PKN3: variants seen among roughly 807,000 people sequenced by gnomAD.
PKN3 encodes the protein protein kinase N3.
A neutral mutation model predicts 113.1 loss-of-function variants in PKN3; 91 were observed. That is an observed-to-expected ratio of 0.80 (90% CI 0.68 to 0.96). The LOEUF (loss-of-function observed/expected upper bound fraction) is 0.96. Among genes scored for constraint, PKN3 ranks in the 40% least tolerant of loss-of-function variants. PKN3 has a pLI of 0.00. For synonymous variants in PKN3, 467 were observed against 499.0 expected, an observed-to-expected ratio of 0.94 and a Z score of 0.85; for missense variants, 1,052 against 1,202.2, an observed-to-expected ratio of 0.88 and a Z score of 1.85.
intron 6 of PKN3, among the ~76,000 whole-genome samples, chr9:128,708,547 AAAAG>A (rs1044827037): frequency 6.6e-6 from 1 of 151,906 alleles, no homozygotes; most frequent in Non-Finnish European, 1.5e-5. Flanking sequence ...AAAAAAGAAA[AAAAG>A]AAAGTTTTCT....
In PKN3 at chr9:128,713,598, C is replaced by T. The variant is rs1355701001; in HGVS notation, c.1192C>T (p.Gln398Ter). 1.2e-6 allele frequency: 2 copies of T among 1,613,802 alleles called. No homozygotes were observed. Among genetic ancestry groups the T allele is most frequent in the East Asian group, 2.2e-5 (1 of 44,890 alleles). ...LEDFLDNACHQLSLSLVPQGL... is the reference protein window; with the variant it reads ...LEDFLDNACH Reference sequence around the variant, plus strand: ...GGACTTCCTGGACAATGCCTGTCACCAACTGTCCCTCAGCCTGGTACCGCA... The same window carrying T: ...GGACTTCCTGGACAATGCCTGTCACTAACTGTCCCTCAGCCTGGTACCGCA... Residue 398 changes from glutamine to a stop codon, truncating the protein, a stop_gained, in exon 9 of 22, where the codon CAA becomes TAA. Transcript: ENST00000291906. LOFTEE classifies it high-confidence loss of function.
At chr9:128,717,113 G>GTTTTTTTTTTTTTTTTTTTT (rs1554781180) in intron 16 of PKN3, among the ~76,000 whole-genome samples, 190 bp downstream of exon 16, 10 of 14,440 alleles carry the variant, frequency 6.9e-4, no homozygotes, top group South Asian at 2.3e-3. Flanking sequence ...TGTGCATTAG[G>GTTTTTTTTTTTTTTTTTTTT]TTTCTTTTTT....
intron 5 of PKN3, 71 bp downstream of exon 5, chr9:128,707,094 G>A: frequency 6.2e-7 from 1 of 1,602,174 alleles, no homozygotes; most frequent in South Asian, 1.1e-5. Flanking sequence ...GGGTGTGAAG[G>A]GAGGGTGGCC....
intron 11 of PKN3, 44 bp from the exon 12 acceptor site, chr9:128,714,518 T>TG (rs749404136): frequency 1.4e-5 from 13 of 951,768 alleles, no homozygotes; most frequent in Admixed American, 3.4e-5. Flanking sequence ...TGCCAGCTCT[T>TG]GCGTCTGCCT....
chr9:128,712,369 C>T (rs985099762), intron 6 of PKN3, among the ~76,000 whole-genome samples: 8 of 152,202 alleles, frequency 5.3e-5, no homozygotes, highest in African/African-American at 1.9e-4. Context: ...TTTCTCTACC[C>T]TTTGAGGGAC....
In PKN3 at chr9:128,702,583, T is replaced by A; in HGVS notation, c.-333T>A. On this transcript the variant is annotated 5_prime_UTR_variant, in exon 1 of 22. Transcript: ENST00000291906. ...ACCTGGGCGCGGGCGATGTGCCTCC[T>A]GAGCGTCCAAACCGGGGGTGAGGCG... 3.2e-6 allele frequency: 1 copy of A among 308,370 alleles called. No homozygotes were observed. The highest frequency in any genetic ancestry group is 7.9e-5 in the South Asian group (1 of 12,662). 19.1% of individuals were successfully genotyped at this position (308,370 alleles called of 1,614,324 possible). A position where few individuals can be genotyped will look rare whatever the true frequency, so the allele number is the denominator to read the frequency against.
rs769162332 is a variant in PKN3, at chr9:128,718,397, G to A, written c.2048+10G>A. ...AGAAGATCATTTACAGGTGACTTTTGTCCCAGGGATGCACGGGGGTAGGGG... is the reference window on the plus strand; with the variant it reads ...AGAAGATCATTTACAGGTGACTTTTATCCCAGGGATGCACGGGGGTAGGGG... On this transcript the variant is annotated intron_variant, in intron 17 of 21. Transcript: ENST00000291906. The A allele has an allele frequency of 1.2e-6, 2 of 1,601,824 alleles. No individual in the cohort carries two copies.
intron 8 of PKN3, 35 bp downstream of exon 8, chr9:128,713,422 TG>T: frequency 6.2e-7 from 1 of 1,612,474 alleles, no homozygotes; most frequent in Non-Finnish European, 8.5e-7. Context: ...GGGGTGACCT[TG>T]GGCTGCGGGG....
chr9:128,714,965 C>A, intron 13 of PKN3, 100 bp downstream of exon 13: 1 of 1,211,234 alleles, frequency 8.3e-7, no homozygotes, highest in Non-Finnish European at 1.2e-6. Flanking sequence ...CTGGCGGGTG[C>A]GCTGACTGGC....
chr9:128,705,195 C>T (rs1861971829), intron 1 of PKN3, 108 bp from the exon 2 acceptor site: 2 of 1,399,512 alleles, frequency 1.4e-6, no homozygotes, highest in Admixed American at 5.1e-5. Context: ...GCGAGTCAGT[C>T]CTGGGTGCCG....
chr9:128,718,646 T>C, intron 18 of PKN3, 21 bp downstream of exon 18: 1 of 1,610,522 alleles, frequency 6.2e-7, no homozygotes, highest in Non-Finnish European at 8.5e-7. Context: ...CCCATTGGGA[T>C]CCATATCTCC....
In PKN3 at chr9:128,702,895, C is replaced by A. The variant is rs760323395; in HGVS notation, c.-21C>A. ...GACCGGAGTGGCTGAGAGAAGGGCC[C>A]CAAGCGGCCGGAGCGGCGCCATGGA... On this transcript the variant is annotated 5_prime_UTR_variant, in exon 1 of 22. Transcript: ENST00000291906. 6.7e-7 allele frequency: 1 copy of A among 1,482,380 alleles called. No individual in the cohort carries two copies. The highest frequency in any genetic ancestry group is 9.0e-7 in the Non-Finnish European group (1 of 1,116,912). 91.8% of individuals were successfully genotyped at this position (1,482,380 alleles called of 1,614,324 possible). A position where few individuals can be genotyped will look rare whatever the true frequency, so the allele number is the denominator to read the frequency against.
At chr9:128,703,892 C>T (rs1167808539) in intron 1 of PKN3, 9 of 985,366 alleles carry the variant, frequency 9.1e-6, no homozygotes, top group South Asian at 4.7e-5. Context: ...CGCCCTGCAG[C>T]GGCAGCTGGG....
intron 16 of PKN3, among the ~76,000 whole-genome samples, chr9:128,717,652 C>G (rs1261616555): frequency 6.6e-6 from 1 of 150,606 alleles, no homozygotes; most frequent in African/African-American, 2.4e-5. Context: ...CGCTTGAACC[C>G]AGGAGGCGGA....
chr9:128,710,880 G>A (rs1270509528), intron 6 of PKN3, among the ~76,000 whole-genome samples: 1 of 152,228 alleles, frequency 6.6e-6, no homozygotes, highest in South Asian at 2.1e-4. Flanking sequence ...GTTGAGGAAC[G>A]CAGAAGAAAC....
At chr9:128,714,981 G>A (rs1862298370) in intron 13 of PKN3, 116 bp downstream of exon 13, 1 of 1,135,520 alleles carries the variant, frequency 8.8e-7, no homozygotes, top group Admixed American at 1.8e-5. Context: ...CTGGCTCTCG[G>A]GGTCTGATTT....
chr9:128,710,844 G>A lies in PKN3; in HGVS notation c.836-2208G>A, dbSNP rs370151104. 6.6e-5 allele frequency among the ~76,000 whole-genome samples: 10 copies of A among 152,186 alleles called. No individual in the cohort carries two copies. The South Asian group carries it at 1.7e-3, about 25-fold the overall frequency. ...TGTCTTGGCCTTGAAGGACTTACAC[G>A]GGAGTACTTATGGCCAAGTAGACAA... is the stretch of plus-strand genomic sequence containing the variant. On this transcript the variant is annotated intron_variant, in intron 6 of 21. Transcript: ENST00000291906.
intron 3 of PKN3, 62 bp downstream of exon 3, chr9:128,705,941 C>T: frequency 1.4e-6 from 2 of 1,464,220 alleles, no homozygotes; most frequent in East Asian, 2.4e-5. Context: ...GGAAATGCAC[C>T]TCAGCCATTG....
At position 128,714,433 on chromosome 9, in the gene PKN3, G is replaced by GTATC. The variant is rs767790611; in HGVS notation, c.1481+70_1481+73dup. On this transcript the variant is annotated intron_variant, in intron 11 of 21. Coordinates refer to ENST00000291906, the MANE Select transcript of PKN3 (RefSeq NM_013355.5). The stretch of plus-strand genomic sequence containing the variant: ...GGCTTCCTGACTCCAGATCCAGGCG[G>GTATC]TATCTGTCTGTCTGTCTGCATTGCT... 20 of 1,370,444 alleles carry GTATC rather than the reference G, an allele frequency of 1.5e-5. No individual in the cohort carries two copies. In the East Asian group the frequency reaches 3.4e-4, roughly 23 times the overall value. 84.9% of individuals were successfully genotyped at this position (1,370,444 alleles called of 1,614,324 possible). A position where few individuals can be genotyped will look rare whatever the true frequency, so the allele number is the denominator to read the frequency against.
Sources: gnomAD v4.1 joint callset for allele counts (sites outside exome capture counted in the v4.1 genomes callset) on GRCh38, gnomAD v4.1.1 for gene constraint, MANE v1.5 for transcripts, NCBI Gene and HGNC (gene_info 2026-07-23, HGNC 2026-07-21) for gene names.